The following SNX7 variants were observed in gnomAD, a reference collection of about 807,000 sequenced individuals.
SNX7 encodes the protein sorting nexin-7.
SNX7 carries 35 observed loss-of-function variants against 48.4 expected under a neutral mutation model. The ratio of observed to expected loss-of-function variants is 0.72; its 90% confidence interval spans 0.55 to 0.96. The LOEUF is 0.96. Ranked by LOEUF, SNX7 falls within the 40% of genes least tolerant of loss-of-function variation. SNX7 has a pLI of 0.00. For missense variants in SNX7, 553 were observed against 548.9 expected (o/e 1.01, Z -0.07); for synonymous variants, 190 against 190.2 (o/e 1.00, Z 0.01).
At chr1:98,730,407 G>T (rs933975191) in intron 7 of SNX7, among the ~76,000 whole-genome samples, 1 of 152,038 alleles carries the variant, frequency 6.6e-6, no homozygotes, top group Non-Finnish European at 1.5e-5. Flanking sequence ...AGTTCTGGCC[G>T]GGGCAGTCAG....
intron 1 of SNX7, among the ~76,000 whole-genome samples, chr1:98,675,591 C>T (rs933847655): frequency 6.6e-6 from 1 of 152,098 alleles, no homozygotes; most frequent in Non-Finnish European, 1.5e-5. Context: ...AAGAAGTAGG[C>T]TGTGGTGAGT....
intron 8 of SNX7, among the ~76,000 whole-genome samples, chr1:98,749,415 AGT>A (rs1392658925): frequency 6.6e-6 from 1 of 152,134 alleles, no homozygotes; most frequent in Non-Finnish European, 1.5e-5. Flanking sequence ...AATAATTACA[AGT>A]GTACACTTAT....
chr1:98,723,734 G>A (rs563315288), intron 7 of SNX7, among the ~76,000 whole-genome samples: 3 of 151,922 alleles, frequency 2.0e-5, no homozygotes, highest in Admixed American at 6.6e-5. Flanking sequence ...GTGCATGCCC[G>A]TAGTCCCAGC....
chr1:98,708,659 C>G (rs1652139498), intron 7 of SNX7, among the ~76,000 whole-genome samples: 1 of 152,132 alleles, frequency 6.6e-6, no homozygotes, highest in Admixed American at 6.6e-5. Flanking sequence ...GCCAGCTCCT[C>G]CCAGAAGAAA....
chr1:98,729,736 C>T (rs1653395324), intron 7 of SNX7, among the ~76,000 whole-genome samples: 1 of 151,966 alleles, frequency 6.6e-6, no homozygotes, highest in Admixed American at 6.6e-5. Flanking sequence ...TTGAATAGAC[C>T]AATAATAAGT....
At chr1:98,682,568 T>C (rs908000591) in intron 1 of SNX7, among the ~76,000 whole-genome samples, 47 of 152,290 alleles carry the variant, frequency 3.1e-4, no homozygotes, top group African/African-American at 1.1e-3. Flanking sequence ...TTGAAAATAC[T>C]TTTCTCTCAA....
At chr1:98,661,595 T>C (rs1649213344), upstream of SNX7, 4 of 821,040 alleles carry the variant, frequency 4.9e-6, no homozygotes, top group Non-Finnish European at 6.3e-6. Flanking sequence ...GTCCCGGCAG[T>C]TCCGCGTCTG....
intron 1 of SNX7, among the ~76,000 whole-genome samples, chr1:98,670,987 TA>T (rs1482419941): frequency 6.6e-6 from 1 of 152,190 alleles, no homozygotes; most frequent in Non-Finnish European, 1.5e-5. Flanking sequence ...TAGTGTACTC[TA>T]AAAAGAATAC....
At chr1:98,719,805 T>G (rs1284848592) in intron 7 of SNX7, among the ~76,000 whole-genome samples, 1 of 150,536 alleles carries the variant, frequency 6.6e-6, no homozygotes, top group Non-Finnish European at 1.5e-5. Flanking sequence ...TTTTTTACAA[T>G]AGAATCTTTG....
chr1:98,738,289 C>A lies in SNX7; in HGVS notation c.1178C>A (p.Ala393Asp). The change falls in exon 8 of 9, where the codon GCC becomes GAC. Residue 393 changes from alanine (A) to aspartate (D), a missense_variant. Coordinates refer to ENST00000306121, the MANE Select transcript of SNX7 (RefSeq NM_015976.5). ...LEDKVECANN[A>D]LKADWERWKQ... ...GATAAAGTGGAATGTGCTAATAATG[C>A]CCTGAAAGCAGATTGGGAGAGATGG... 6.2e-7 allele frequency: 1 copy of A among 1,613,324 alleles called. No homozygotes were observed.
intron 7 of SNX7, among the ~76,000 whole-genome samples, chr1:98,716,901 T>C (rs1557817582): frequency 1.3e-5 from 2 of 151,874 alleles, no homozygotes; most frequent in African/African-American, 4.8e-5. Flanking sequence ...TGGAAATGCT[T>C]TGAAATACAT....
rs1421855370 is a variant in SNX7, at chr1:98,701,888, G to T, written c.1110G>T (p.Lys370Asn). The change falls in exon 7 of 9, where the codon AAG (lysine) becomes AAT (asparagine). Residue 370 changes from lysine to asparagine, a missense_variant. Lys to Asn is a moderately conservative substitution (Grantham distance 94). Coordinates refer to ENST00000306121, the MANE Select transcript of SNX7 (RefSeq NM_015976.5). The part of the protein sequence containing the change: ...DSKVEVLTYK[K>N]ADTDLLPEEI... Reference sequence around the variant, plus strand: ...AAGTTGAAGTTTTGACCTATAAAAAGGCAGATACTGATCTGGTAAGTTTTT... The same window carrying T: ...AAGTTGAAGTTTTGACCTATAAAAATGCAGATACTGATCTGGTAAGTTTTT... 2 of 1,609,270 alleles carry T rather than the reference G, an allele frequency of 1.2e-6. No homozygotes were observed. Among genetic ancestry groups the T allele is most frequent in the South Asian group, 1.1e-5 (1 of 90,308 alleles).
At chr1:98,752,910 CCTT>C (rs952645939) in intron 8 of SNX7, among the ~76,000 whole-genome samples, 2 of 152,064 alleles carry the variant, frequency 1.3e-5, no homozygotes, top group African/African-American at 4.8e-5. Flanking sequence ...CCAAAATCAT[CCTT>C]CTACTATGTG....
intron 2 of SNX7, among the ~76,000 whole-genome samples, chr1:98,688,371 T>C (rs1453809183): frequency 1.3e-5 from 2 of 152,208 alleles, no homozygotes; most frequent in South Asian, 2.1e-4. Flanking sequence ...GTGACTGTTA[T>C]AGAGAAGTAT....
intron 1 of SNX7, among the ~76,000 whole-genome samples, chr1:98,668,681 T>C (rs563287713): frequency 4.6e-5 from 7 of 152,318 alleles, no homozygotes; most frequent in African/African-American, 1.7e-4. Context: ...GTGATTTAGC[T>C]TGGAAGAGAT....
At chr1:98,679,834 T>C (rs1650380187) in intron 1 of SNX7, among the ~76,000 whole-genome samples, 1 of 152,188 alleles carries the variant, frequency 6.6e-6, no homozygotes, top group Non-Finnish European at 1.5e-5. Context: ...CTCCCATCTG[T>C]CTGCTTTCAT....
chr1:98,755,964 ATTTG>A (rs1199845823), intron 8 of SNX7, among the ~76,000 whole-genome samples: 1 of 151,642 alleles, frequency 6.6e-6, no homozygotes, highest in East Asian at 1.9e-4. Flanking sequence ...GCTGTGTTTT[ATTTG>A]TTCTGTCTGT....
At chr1:98,662,738 A>G (rs1316942127) in intron 1 of SNX7, 2 of 1,289,406 alleles carry the variant, frequency 1.6e-6, no homozygotes, top group Admixed American at 4.6e-5. Context: ...TGCTGCTGAG[A>G]GAAGACCTGA....
chr1:98,662,561 C>A, intron 1 of SNX7: 1 of 805,246 alleles, frequency 1.2e-6, no homozygotes, highest in Non-Finnish European at 1.7e-6. Context: ...AATTTAGGAC[C>A]AAAGGCTCTT....
Sources: gnomAD v4.1 joint callset for allele counts (sites outside exome capture counted in the v4.1 genomes callset) on GRCh38, gnomAD v4.1.1 for gene constraint, MANE v1.5 for transcripts, NCBI Gene and HGNC (gene_info 2026-07-23, HGNC 2026-07-21) for gene names.